The following FUS variants were observed in gnomAD, a reference collection of about 807,000 sequenced individuals.
FUS encodes the protein RNA-binding protein FUS.
A neutral mutation model predicts 82.7 loss-of-function variants in FUS; 5 were observed. The observed-to-expected ratio is 0.06, with a 90% CI of 0.03 to 0.13. The LOEUF (loss-of-function observed/expected upper bound fraction) is 0.13, where lower values mean the gene tolerates loss of function less well. Among genes scored for constraint, FUS ranks in the 10% least tolerant of loss-of-function variants. FUS has a pLI of 1.00. For missense variants in FUS, 512 were observed against 707.8 expected (o/e 0.72, Z 3.14); for synonymous variants, 281 against 247.4 (o/e 1.14, Z -1.27).
chr16:31,194,818 A>G, downstream of FUS: 2 of 478,994 alleles, frequency 4.2e-6, no homozygotes, highest in Non-Finnish European at 8.3e-6. Context: ...TTTTGTGAAT[A>G]ATCAGACCAA....
chr16:31,191,859 C>G, downstream of FUS: 1 of 548,418 alleles, frequency 1.8e-6, no homozygotes, highest in Non-Finnish European at 3.5e-6. Flanking sequence ...GGGAATTTTT[C>G]CTTTACCACA....
downstream of FUS, chr16:31,193,246 G>C (rs1472222648): frequency 7.9e-6 from 4 of 504,598 alleles, no homozygotes; most frequent in Non-Finnish European, 1.2e-5. Context: ...TACTTCCCCT[G>C]CCAGCATTGG....
At chr16:31,193,738 A>C, downstream of FUS, 1 of 530,794 alleles carries the variant, frequency 1.9e-6, no homozygotes, top group South Asian at 1.5e-5. Context: ...TCTCAAGCCA[A>C]CCTCCCACCT....
intron 5 of FUS, among the ~76,000 whole-genome samples, 164 bp from the exon 6 acceptor site, chr16:31,184,775 C>T (rs1462423843): frequency 2.0e-5 from 3 of 152,188 alleles, no homozygotes; most frequent in Non-Finnish European, 2.9e-5. Context: ...GATTTGTATT[C>T]TCCTGTTTTA....
At position 31,190,309 on chromosome 16, in the gene FUS, CAGT is replaced by C. The variant is rs781120756; in HGVS notation, c.1204_1206del (p.Ser402del). Reference sequence around the variant, plus strand: ...GCCGTGGAGGCTATGGAGGTGGTGGCAGTGGTGGTGGTGGCCGAGGAGGATTTC... The same window carrying C: ...GCCGTGGAGGCTATGGAGGTGGTGGCGGTGGTGGTGGCCGAGGAGGATTTC... On this transcript the variant is annotated inframe_deletion, in exon 12 of 15. Transcript: ENST00000254108. The C allele has an allele frequency of 7.6e-5, 123 of 1,613,848 alleles. No individual in the cohort carries two copies. Among genetic ancestry groups the C allele is most frequent in the Non-Finnish European group, 9.1e-5 (107 of 1,179,962 alleles).
In FUS at chr16:31,190,033, T is replaced by C. The variant is rs779404384; in HGVS notation, c.1067-7T>C. 1 of 1,608,354 alleles carries C rather than the reference T, an allele frequency of 6.2e-7. No individual in the cohort carries two copies. Among genetic ancestry groups the C allele is most frequent in the South Asian group, 1.1e-5 (1 of 90,600 alleles). On this transcript the variant is annotated splice_region_variant and splice_polypyrimidine_tract_variant and intron_variant, in intron 10 of 14. Coordinates refer to ENST00000254108, the MANE Select transcript of FUS (RefSeq NM_004960.4). ...TAAAGTCTGTTGATGATTTTTTGTTTCTCTAGGTAAAGAATTCTCCGGAAA... is the reference window on the plus strand; with the variant it reads ...TAAAGTCTGTTGATGATTTTTTGTTCCTCTAGGTAAAGAATTCTCCGGAAA...
intron 7 of FUS, chr16:31,187,764 G>A (rs1596903981): frequency 1.7e-5 from 4 of 237,746 alleles, no homozygotes; most frequent in Non-Finnish European, 3.3e-5. Context: ...TGTTCCCTGG[G>A]ACATGCTTAA....
rs762717310 is a variant in FUS at position 31,180,180 on chromosome 16, T to C, written c.-35T>C. The C allele has an allele frequency of 3.1e-6, 5 of 1,608,330 alleles. No homozygotes were observed. In the South Asian group the frequency reaches 3.3e-5, roughly 11 times the overall value. On this transcript the variant is annotated 5_prime_UTR_variant, in exon 1 of 15. Transcript: ENST00000254108. ...GTCGGTACTCAGCGGTGTTGGAACT[T>C]CGTTGCTTGCTTGCCTGTGCGCGCG...
chr16:31,185,373 C>T (rs2079252653), intron 6 of FUS, 194 bp downstream of exon 6: 2 of 647,384 alleles, frequency 3.1e-6, no homozygotes, highest in East Asian at 2.7e-5. Context: ...AGCCTGAACT[C>T]CCATCCATAC....
At chr16:31,183,269 C>T (rs1157534107) in intron 3 of FUS, 1 of 171,770 alleles carries the variant, frequency 5.8e-6, no homozygotes, top group East Asian at 1.5e-4. Flanking sequence ...GAGGCCCCAT[C>T]TCAAAAACAT....
Position 31,180,239 on chromosome 16 carries a change from C to T in FUS, c.13+12C>T. 6.2e-7 allele frequency: 1 copy of T among 1,608,812 alleles called. No homozygotes were observed. Among genetic ancestry groups the T allele is most frequent in the Non-Finnish European group, 8.5e-7 (1 of 1,177,768 alleles). ...CATGGCCTCAAACGGTAGGTAAGGG[C>T]GCGAGGCGACGGCGGCGGCGCACCC... On this transcript the variant is annotated intron_variant, in intron 1 of 14. Coordinates refer to ENST00000254108, the MANE Select transcript of FUS (RefSeq NM_004960.4).
At chr16:31,189,955 C>T (rs1018594566) in intron 10 of FUS, 85 bp from the exon 11 acceptor site, 31 of 1,555,526 alleles carry the variant, frequency 2.0e-5, no homozygotes, top group Non-Finnish European at 2.7e-5. Flanking sequence ...GATTATAAAC[C>T]ATTTGAGAAA....
chr16:31,182,525 C>T lies in FUS; in HGVS notation c.51C>T (p.Tyr17=). 2 of 1,614,138 alleles carry T rather than the reference C, an allele frequency of 1.2e-6. No individual in the cohort carries two copies. Among genetic ancestry groups the T allele is most frequent in the Non-Finnish European group, 1.7e-6 (2 of 1,180,028 alleles). The change falls in exon 3 of 15, where the codon TAC becomes TAT. Residue 17 remains tyrosine, a synonymous_variant. Transcript: ENST00000254108. ...TCCTTTTATTTAGCTATGGGGCCTA[C>T]CCCACCCAGCCCGGGCAGGGCTATT... ...TQQATQSYGA[Y]PTQPGQGYSQ...
chr16:31,184,909 T>G lies in FUS; in HGVS notation c.524-30T>G, dbSNP rs780543300. 1.9e-6 allele frequency: 3 copies of G among 1,610,674 alleles called. No individual in the cohort carries two copies. The African/African-American group carries it at 4.0e-5, about 22-fold the overall frequency. On this transcript the variant is annotated intron_variant, in intron 5 of 14. Transcript: ENST00000254108. ...GCTACTTTACAATCTTTTTGTTTTT[T>G]TTTTTTAATCATTCTTTCTTTTCTC...
chr16:31,180,956 A>G (rs1454022321), intron 1 of FUS, among the ~76,000 whole-genome samples: 2 of 151,088 alleles, frequency 1.3e-5, no homozygotes, highest in East Asian at 1.9e-4. Context: ...TCTGTCGCCC[A>G]GGCTGGAGTG....
At chr16:31,184,432 CTTTTTCTTTTTTTTTT>C (rs758479917) in intron 5 of FUS, 36 bp downstream of exon 5, 2 of 1,284,830 alleles carry the variant, frequency 1.6e-6, no homozygotes, top group South Asian at 2.8e-5. Context: ...AGCCCATTTT[CTTTTTCTTTTTTTTTT>C]TTTTTTTGAG....
downstream of FUS, chr16:31,193,366 T>G (rs752375565): frequency 9.5e-6 from 5 of 525,694 alleles, 1 homozygote; most frequent in South Asian, 7.7e-5. Flanking sequence ...GTAGAGGATG[T>G]GGCAGTTCTC....
chr16:31,192,132 G>T, downstream of FUS: 1 of 530,642 alleles, frequency 1.9e-6, no homozygotes, highest in Non-Finnish European at 3.6e-6. Context: ...GGTGAACAGC[G>T]CTTGGGTAGA....
At chr16:31,182,456 G>A in intron 2 of FUS, 34 bp downstream of exon 2, 3 of 1,614,184 alleles carry the variant, frequency 1.9e-6, no homozygotes. Flanking sequence ...AGAGTTTGTA[G>A]AGGGCAAGGG....
Sources: allele counts gnomAD v4.1 joint callset (sites outside exome capture counted in the v4.1 genomes callset), GRCh38; gene constraint gnomAD v4.1.1; transcripts MANE v1.5; gene names NCBI Gene and HGNC (gene_info 2026-07-23, HGNC 2026-07-21).